The following LRRC72 variants were observed in gnomAD, a reference collection of about 807,000 sequenced individuals.
LRRC72 encodes leucine-rich repeat-containing protein 72.
Under a neutral mutation model 35.8 loss-of-function variants are expected in LRRC72, and 41 were observed. That is an observed-to-expected ratio of 1.15 (90% CI 0.89 to 1.49). LRRC72 has a LOEUF of 1.49. Ranked by LOEUF, LRRC72 falls within the 40% of genes most tolerant of loss-of-function variation. LRRC72 has a pLI of 0.00. For missense variants in LRRC72, 389 were observed against 330.7 expected (o/e 1.18, Z -1.37); for synonymous variants, 118 against 119.2 (o/e 0.99, Z 0.07).
chr7:16,527,654 G>A (rs1782094093), intron 1 of LRRC72, among the ~76,000 whole-genome samples: 1 of 152,130 alleles, frequency 6.6e-6, no homozygotes, highest in Non-Finnish European at 1.5e-5. Flanking sequence ...TGCCAGGTAA[G>A]ACCTAGCAAG....
At chr7:16,571,618 G>A (rs1782946203) in intron 7 of LRRC72, among the ~76,000 whole-genome samples, 1 of 152,184 alleles carries the variant, frequency 6.6e-6, no homozygotes, top group Non-Finnish European at 1.5e-5. Flanking sequence ...CCTATCCAAG[G>A]GAAGCCATGA....
intron 7 of LRRC72, among the ~76,000 whole-genome samples, chr7:16,572,483 G>A (rs141096848): frequency 4.8e-4 from 73 of 152,328 alleles, no homozygotes; most frequent in African/African-American, 1.0e-3. Flanking sequence ...TCCTTGGGAT[G>A]CAAGGCTGGT....
chr7:16,556,652 G>C (rs1228355334), intron 3 of LRRC72, among the ~76,000 whole-genome samples: 4 of 152,124 alleles, frequency 2.6e-5, no homozygotes, highest in Admixed American at 2.6e-4. Flanking sequence ...TTATACATGA[G>C]GCCATAAAGA....
chr7:16,571,215 A>AATGACCC (rs1185253240), intron 7 of LRRC72, among the ~76,000 whole-genome samples: 1 of 152,108 alleles, frequency 6.6e-6, no homozygotes, highest in East Asian at 1.9e-4. Context: ...CAATCATCTG[A>AATGACCC]ATGACCCTTC....
chr7:16,566,360 A>G lies in LRRC72; in HGVS notation c.475A>G (p.Ile159Val), dbSNP rs757272091. The G allele has an allele frequency of 3.9e-6, 6 of 1,547,650 alleles. No homozygotes were observed. Among genetic ancestry groups the G allele is most frequent in the East Asian group, 2.5e-5 (1 of 40,802 alleles). ...CCAATATAACCTGTATCGTTTATAT[A>G]TCATCTACCACCTTCCAGGAGTGGA... ...LCQYNLYRLY[I>V]IYHLPGVELL... Residue 159 changes from isoleucine (I) to valine (V), a missense_variant, in exon 6 of 9, where the codon ATC (isoleucine) becomes GTC (valine). By Grantham distance (29) the Ile-to-Val change is conservative. Transcript: ENST00000401542.
chr7:16,566,698 G>C (rs754819569), intron 6 of LRRC72, among the ~76,000 whole-genome samples: 1 of 152,082 alleles, frequency 6.6e-6, no homozygotes, highest in Non-Finnish European at 1.5e-5. Context: ...ATGCCAAATC[G>C]TTTACTTCCT....
intron 2 of LRRC72, 97 bp from the exon 3 acceptor site, chr7:16,537,530 C>A (rs1446962707): frequency 1.7e-6 from 1 of 591,310 alleles, no homozygotes; most frequent in South Asian, 2.9e-5. Flanking sequence ...AAAGAGAGGC[C>A]TTTCTAGTTA....
chr7:16,535,212 G>C (rs1782232973), intron 2 of LRRC72, among the ~76,000 whole-genome samples: 1 of 152,042 alleles, frequency 6.6e-6, no homozygotes, highest in African/African-American at 2.4e-5. Context: ...AAGTTGTTTT[G>C]GAAGAGTCTG....
chr7:16,553,208 C>T (rs1782586986), intron 3 of LRRC72, among the ~76,000 whole-genome samples: 1 of 152,114 alleles, frequency 6.6e-6, no homozygotes, highest in African/African-American at 2.4e-5. Flanking sequence ...TAATATACTG[C>T]AAAATATTTT....
intron 3 of LRRC72, among the ~76,000 whole-genome samples, chr7:16,547,877 G>A (rs1468165807): frequency 6.6e-6 from 1 of 152,240 alleles, no homozygotes; most frequent in Non-Finnish European, 1.5e-5. Context: ...CCTGGGCAGA[G>A]GGGGGCAGGT....
intron 3 of LRRC72, among the ~76,000 whole-genome samples, 189 bp from the exon 4 acceptor site, chr7:16,557,171 C>T (rs904433300): frequency 9.2e-5 from 14 of 152,132 alleles, no homozygotes; most frequent in Non-Finnish European, 8.8e-5. Context: ...TCATCACATT[C>T]TCCTCAAAGA....
intron 7 of LRRC72, 39 bp from the exon 8 acceptor site, chr7:16,580,035 A>G: frequency 2.4e-6 from 1 of 408,998 alleles, no homozygotes; most frequent in Non-Finnish European, 4.5e-6. Flanking sequence ...CTGGATAAAT[A>G]TTTTAAAATA....
chr7:16,575,232 T>C (rs1385194503), intron 7 of LRRC72, among the ~76,000 whole-genome samples: 1 of 152,248 alleles, frequency 6.6e-6, no homozygotes, highest in East Asian at 1.9e-4. Flanking sequence ...CGGTCACTCA[T>C]ATTTGGCTCA....
chr7:16,574,946 T>C (rs1783012794), intron 7 of LRRC72, among the ~76,000 whole-genome samples: 1 of 151,924 alleles, frequency 6.6e-6, no homozygotes, highest in Non-Finnish European at 1.5e-5. Context: ...TTAAACCCCG[T>C]CTCTACTAAA....
At chr7:16,562,094 G>A (rs953667855) in intron 5 of LRRC72, among the ~76,000 whole-genome samples, 26 of 152,278 alleles carry the variant, frequency 1.7e-4, no homozygotes, top group Admixed American at 3.9e-4. Context: ...CCTAGGAGAC[G>A]CATGGCTGAG....
In LRRC72 at chr7:16,555,774, C is replaced by CA. The variant is rs35487083; in HGVS notation, c.235-1574dup. Among the ~76,000 whole-genome samples the CA allele has an allele frequency of 7.9e-3, 1,126 of 142,958 alleles. 12 individuals carry two copies. The highest frequency in any genetic ancestry group is 0.026 in the African/African-American group (1,021 of 39,084). The allele number at this position is 142,958 out of a possible 152,430, so 93.8% of individuals were successfully genotyped here. On this transcript the variant is annotated intron_variant, in intron 3 of 8. Transcript: ENST00000401542. Reference sequence around the variant, plus strand: ...AGCCTGGGTGACAGAGACTCCATCTCAAAAAAAAAAAATTAATAGTTCCTA... The same window carrying CA: ...AGCCTGGGTGACAGAGACTCCATCTCAAAAAAAAAAAAATTAATAGTTCCTA...
At chr7:16,562,318 T>C (rs561692053) in intron 5 of LRRC72, among the ~76,000 whole-genome samples, 3 of 152,306 alleles carry the variant, frequency 2.0e-5, no homozygotes, top group Admixed American at 1.3e-4. Flanking sequence ...TTGTGGCTGA[T>C]GGCTTTTATT....
chr7:16,554,520 C>T (rs985795277), intron 3 of LRRC72, among the ~76,000 whole-genome samples: 1 of 152,130 alleles, frequency 6.6e-6, no homozygotes, highest in African/African-American at 2.4e-5. Flanking sequence ...CTTTGGGCCA[C>T]CACAAATTCT....
At chr7:16,562,718 G>C (rs1223533498) in intron 5 of LRRC72, among the ~76,000 whole-genome samples, 6 of 152,178 alleles carry the variant, frequency 3.9e-5, no homozygotes, top group Non-Finnish European at 7.3e-5. Context: ...AGGATCTCCA[G>C]GGTCCCTTCC....
Sources: gnomAD v4.1 joint callset for allele counts (sites outside exome capture counted in the v4.1 genomes callset) on GRCh38, gnomAD v4.1.1 for gene constraint, MANE v1.5 for transcripts, NCBI Gene and HGNC (gene_info 2026-07-23, HGNC 2026-07-21) for gene names.